The following HAVCR1 variants were observed in gnomAD, a reference collection of about 807,000 sequenced individuals.
HAVCR1 encodes the protein T cell immunoglobin domain and mucin domain protein 1.
Under a neutral mutation model 32.0 loss-of-function variants are expected in HAVCR1, and 34 were observed. The observed-to-expected ratio is 1.06, with a 90% CI of 0.81 to 1.42. The LOEUF is 1.42. Among genes scored for constraint, HAVCR1 ranks in the 40% most tolerant of loss-of-function variants. The pLI is 0.00. For missense variants in HAVCR1, 420 were observed against 442.3 expected (o/e 0.95, Z 0.45); for synonymous variants, 178 against 170.3 (o/e 1.05, Z -0.35).
intron 2 of HAVCR1, among the ~76,000 whole-genome samples, chr5:157,056,480 C>T (rs1018207477): frequency 9.3e-5 from 14 of 150,506 alleles, no homozygotes; most frequent in African/African-American, 2.4e-4. Context: ...CCCAGGTTCA[C>T]GCCATTCTCC....
intron 5 of HAVCR1, among the ~76,000 whole-genome samples, chr5:157,047,836 G>A (rs1469331346): frequency 6.6e-6 from 1 of 152,184 alleles, no homozygotes; most frequent in Non-Finnish European, 1.5e-5. Flanking sequence ...AAGTTCCAGA[G>A]ACCCGAACTT....
At chr5:157,044,631 AAG>A (rs747107222) in intron 5 of HAVCR1, among the ~76,000 whole-genome samples, 6 of 80,452 alleles carry the variant, frequency 7.5e-5, no homozygotes, top group South Asian at 6.2e-4. Flanking sequence ...GAAAGAAAGA[AAG>A]AAAGAAAGAA....
At chr5:157,047,408 G>A (rs558892768) in intron 5 of HAVCR1, among the ~76,000 whole-genome samples, 53 of 152,124 alleles carry the variant, frequency 3.5e-4, no homozygotes, top group African/African-American at 1.2e-3. Context: ...AAAATTAGCC[G>A]GGCAGGATGA....
intron 6 of HAVCR1, among the ~76,000 whole-genome samples, chr5:157,039,371 CATTCTT>C (rs1418458506): frequency 1.3e-5 from 2 of 152,112 alleles, no homozygotes; most frequent in Admixed American, 1.3e-4. Flanking sequence ...GCAATGACTA[CATTCTT>C]ATGCTCTGTT....
rs1756321749 is a variant in HAVCR1 at position 157,057,953 on chromosome 5, A to C, written c.-10T>G. ...CCACTTGAGGATGCATTATGGGATC[A>C]GCCTGAAGGAAAATGAGCAGACAGG... On this transcript the variant is annotated splice_region_variant and 5_prime_UTR_variant, in exon 2 of 9. Coordinates refer to ENST00000523175, the MANE Select transcript of HAVCR1 (RefSeq NM_001173393.3). 1.2e-6 allele frequency: 2 copies of C among 1,612,442 alleles called. No homozygotes were observed. Among genetic ancestry groups the C allele is most frequent in the African/African-American group, 1.3e-5 (1 of 74,980 alleles).
At chr5:157,057,386 GGAAAGAAAGAAA>G (rs544010943) in intron 2 of HAVCR1, among the ~76,000 whole-genome samples, 16,171 of 78,944 alleles carry the variant, frequency 0.2, 1,843 homozygotes, top group South Asian at 0.23. Context: ...GAGAGAGAGA[GGAAAGAAAGAAA>G]GAAAGAAAGA....
At chr5:157,032,377 G>A (rs1191779711) in intron 8 of HAVCR1, among the ~76,000 whole-genome samples, 2 of 152,132 alleles carry the variant, frequency 1.3e-5, no homozygotes, top group African/African-American at 4.8e-5. Context: ...AATTAGCTGG[G>A]TATGGTGGCA....
chr5:157,060,566 C>G (rs1756462023), upstream of HAVCR1, among the ~76,000 whole-genome samples: 1 of 152,116 alleles, frequency 6.6e-6, no homozygotes, highest in African/African-American at 2.4e-5. Flanking sequence ...TCCATTTTAT[C>G]TGTGTGTGCA....
chr5:157,048,411 C>A (rs1028651195), intron 5 of HAVCR1, among the ~76,000 whole-genome samples: 9 of 152,188 alleles, frequency 5.9e-5, no homozygotes, highest in African/African-American at 2.2e-4. Context: ...TCTTGATGTT[C>A]TAAGGAATAA....
At chr5:157,050,179 C>T (rs1755654905) in intron 4 of HAVCR1, among the ~76,000 whole-genome samples, 1 of 152,192 alleles carries the variant, frequency 6.6e-6, no homozygotes, top group Non-Finnish European at 1.5e-5. Flanking sequence ...CAACTTTTTC[C>T]TGTTTTCCTC....
In HAVCR1 at chr5:157,041,786, C is replaced by A. The variant is rs907077957; in HGVS notation, c.837+841G>T. 5.5e-4 allele frequency among the ~76,000 whole-genome samples: 83 copies of A among 152,114 alleles called. 1 individual carries two copies. Among genetic ancestry groups the A allele is most frequent in the Non-Finnish European group, 7.4e-5 (5 of 68,022 alleles). ...AAATTAGCTCATTCGGGCCCGGGCG[C>A]GGTGGCTCACGCCTGTAATCCCAGC... On this transcript the variant is annotated intron_variant, in intron 6 of 8. Coordinates refer to ENST00000523175, the MANE Select transcript of HAVCR1 (RefSeq NM_001173393.3).
At chr5:157,062,435 C>T (rs774443505), upstream of HAVCR1, among the ~76,000 whole-genome samples, 4 of 152,188 alleles carry the variant, frequency 2.6e-5, no homozygotes, top group Non-Finnish European at 5.9e-5. Context: ...TCACCACTTA[C>T]TTCCCTGCTA....
intron 6 of HAVCR1, among the ~76,000 whole-genome samples, chr5:157,040,088 C>T (rs561335007): frequency 1.9e-4 from 29 of 152,260 alleles, no homozygotes; most frequent in Non-Finnish European, 3.5e-4. Flanking sequence ...CACCTGAGGT[C>T]GGGAGTTGGA....
chr5:157,061,949 T>G (rs1162867169), upstream of HAVCR1, among the ~76,000 whole-genome samples: 1 of 152,196 alleles, frequency 6.6e-6, no homozygotes, highest in African/African-American at 2.4e-5. Flanking sequence ...GGTTGAATTT[T>G]CTGACACAGG....
intron 7 of HAVCR1, among the ~76,000 whole-genome samples, chr5:157,034,660 T>C (rs1028476309): frequency 1.3e-5 from 2 of 152,054 alleles, no homozygotes; most frequent in African/African-American, 4.8e-5. Context: ...GGACAATACC[T>C]AGGCTTTCTT....
intron 5 of HAVCR1, among the ~76,000 whole-genome samples, chr5:157,045,813 C>T (rs771887185): frequency 6.6e-5 from 10 of 152,146 alleles, no homozygotes; most frequent in African/African-American, 2.4e-4. Context: ...CTTGGATCCA[C>T]GGCCAAAATG....
the HAVCR1 span, among the ~76,000 whole-genome samples, chr5:157,067,977 G>A: frequency 6.6e-6 from 1 of 151,478 alleles, no homozygotes; most frequent in Non-Finnish European, 1.5e-5. Context: ...CACTCCCGGT[G>A]AGCAAGACCC....
At chr5:157,033,916 GGT>G (rs1198806764) in intron 7 of HAVCR1, among the ~76,000 whole-genome samples, 1 of 152,108 alleles carries the variant, frequency 6.6e-6, no homozygotes, top group Non-Finnish European at 1.5e-5. Flanking sequence ...ATTCGGGTGT[GGT>G]GGCACGAGCC....
At chr5:157,051,541 T>TTTCTC (rs142009332) in intron 4 of HAVCR1, among the ~76,000 whole-genome samples, 1,643 of 152,270 alleles carry the variant, frequency 0.011, 28 homozygotes, top group African/African-American at 0.036. Context: ...TTCTTTTTTC[T>TTTCTC]TTCTCTTTTC....
Sources: gnomAD v4.1 joint callset for allele counts (sites outside exome capture counted in the v4.1 genomes callset) on GRCh38, gnomAD v4.1.1 for gene constraint, MANE v1.5 for transcripts, NCBI Gene and HGNC (gene_info 2026-07-23, HGNC 2026-07-21) for gene names.